The following OTOGL variants were observed in gnomAD, a reference collection of about 807,000 sequenced individuals.
OTOGL encodes the protein otogelin like, also known as otogelin-like protein.
OTOGL carries 285 observed loss-of-function variants against 318.5 expected under a neutral mutation model. The ratio of observed to expected loss-of-function variants is 0.89; its 90% CI spans 0.81 to 0.99. OTOGL has a LOEUF of 0.99. Ranked by LOEUF, OTOGL falls within the 50% of genes least tolerant of loss-of-function variation. OTOGL has a pLI of 0.00. For missense variants in OTOGL, 2,899 were observed against 2,845.6 expected (o/e 1.02, Z -0.43); for synonymous variants, 987 against 936.5 (o/e 1.05, Z -0.99).
At chr12:80,356,203 A>C (rs539665094) in intron 47 of OTOGL, among the ~76,000 whole-genome samples, 9 of 152,278 alleles carry the variant, frequency 5.9e-5, no homozygotes, top group Non-Finnish European at 4.4e-5. Flanking sequence ...TCAAGGGTGA[A>C]AGACAATAAT....
chr12:80,168,836 C>T (rs978502225), intron 1 of OTOGL, among the ~76,000 whole-genome samples: 3 of 152,180 alleles, frequency 2.0e-5, no homozygotes, highest in African/African-American at 7.2e-5. Context: ...ACAGAACCTT[C>T]TCTAAGCAAT....
chr12:80,371,943 A>T, intron 56 of OTOGL, 76 bp from the exon 57 acceptor site: 1 of 913,752 alleles, frequency 1.1e-6, no homozygotes, highest in Non-Finnish European at 1.6e-6. Context: ...TAGAAAAGTT[A>T]GTTTTCTTTT....
intron 44 of OTOGL, among the ~76,000 whole-genome samples, chr12:80,348,700 ACCTATTTCT>A (rs1889355763): frequency 6.6e-6 from 1 of 152,000 alleles, no homozygotes; most frequent in Non-Finnish European, 1.5e-5. Context: ...AATCTGGCCC[ACCTATTTCT>A]CCAGCCACGT....
chr12:80,146,739 T>A (rs1240704803), intron 1 of OTOGL, among the ~76,000 whole-genome samples: 1 of 151,826 alleles, frequency 6.6e-6, no homozygotes, highest in Non-Finnish European at 1.5e-5. Flanking sequence ...TTTCAGCTCC[T>A]GTTATTGGTC....
rs761087709 is a variant in OTOGL at position 80,328,718 on chromosome 12, C to A, written c.4253C>A (p.Thr1418Asn). The A allele has an allele frequency of 1.2e-6, 2 of 1,605,186 alleles. No individual in the cohort carries two copies. ...AAAAATATGATCCTTGATGAGGTCA[C>A]CCTCAAGTGTGTTTATCCACGAGAC... ...CPKNMILDEVTLKCVYPRDCI... is the reference protein window; with the variant it reads ...CPKNMILDEVNLKCVYPRDCI... The change falls in exon 36 of 59, where the codon ACC (threonine) becomes AAC (asparagine). Residue 1418 changes from threonine to asparagine, a missense_variant. Physicochemically the swap from Thr to Asn is moderately conservative, Grantham distance 65 (BLOSUM62 0). This residue lies in a region of OTOGL where 2,607 missense variants were observed against 2,524.9 expected (regional missense o/e 1.03). Coordinates refer to ENST00000547103, the MANE Select transcript of OTOGL (RefSeq NM_001378609.3).
intron 6 of OTOGL, among the ~76,000 whole-genome samples, chr12:80,221,710 G>A (rs191540266): frequency 6.6e-6 from 1 of 152,230 alleles, no homozygotes; most frequent in East Asian, 1.9e-4. Context: ...CTCTGATGCT[G>A]TATATGCTAA....
At chr12:80,253,627 C>G (rs1881770911) in intron 14 of OTOGL, 53 bp downstream of exon 14, 10 of 1,396,228 alleles carry the variant, frequency 7.2e-6, no homozygotes, top group Admixed American at 1.7e-5. Context: ...TAGTTGACAA[C>G]TTTACCATGA....
chr12:80,127,997 A>C (rs1333822306), intron 1 of OTOGL, among the ~76,000 whole-genome samples: 9 of 152,104 alleles, frequency 5.9e-5, no homozygotes, highest in Admixed American at 1.3e-4. Context: ...TTCCTCCTTT[A>C]GCTTGGAGTA....
intron 7 of OTOGL, among the ~76,000 whole-genome samples, chr12:80,226,328 A>C (rs1285719829): frequency 6.6e-6 from 1 of 151,940 alleles, no homozygotes; most frequent in Non-Finnish European, 1.5e-5. Context: ...GCTGATCCCA[A>C]TAGGTTATGA....
intron 46 of OTOGL, among the ~76,000 whole-genome samples, chr12:80,354,384 TC>T (rs1889746710): frequency 1.3e-5 from 2 of 152,174 alleles, no homozygotes; most frequent in Admixed American, 1.3e-4. Context: ...GAACCTCTTT[TC>T]TTTATAAACT....
intron 4 of OTOGL, among the ~76,000 whole-genome samples, chr12:80,217,140 A>G (rs1877806210): frequency 6.7e-6 from 1 of 149,240 alleles, no homozygotes; most frequent in Non-Finnish European, 1.5e-5. Flanking sequence ...AGCCCCATGC[A>G]TTTTTTTTTT....
At chr12:80,306,798 TTATTA>T (rs1405109219) in intron 29 of OTOGL, among the ~76,000 whole-genome samples, 10 of 93,884 alleles carry the variant, frequency 1.1e-4, no homozygotes, top group African/African-American at 4.1e-4. Flanking sequence ...TTTTATTTTA[TTATTA>T]TTATTATTAT....
chr12:80,359,020 T>A, intron 52 of OTOGL, 120 bp downstream of exon 52: 2 of 799,708 alleles, frequency 2.5e-6, no homozygotes, highest in Non-Finnish European at 3.8e-6. Context: ...TAAATTGTAC[T>A]AAAGTAGATT....
intron 29 of OTOGL, among the ~76,000 whole-genome samples, chr12:80,308,987 A>ACCGTG (rs2098559298): frequency 2.7e-5 from 1 of 37,136 alleles, no homozygotes; most frequent in Non-Finnish European, 1.2e-4. Context: ...CCGTGGGGAG[A>ACCGTG]GGGAGAGGGA....
At chr12:80,246,282 T>C (rs1428133246) in intron 11 of OTOGL, among the ~76,000 whole-genome samples, 1 of 148,864 alleles carries the variant, frequency 6.7e-6, no homozygotes, top group African/African-American at 2.6e-5. Flanking sequence ...CCATTCAGAA[T>C]GATATTGGCT....
chr12:80,329,278 T>G (rs1246562145), intron 37 of OTOGL, among the ~76,000 whole-genome samples, 159 bp downstream of exon 37: 2 of 152,220 alleles, frequency 1.3e-5, no homozygotes, highest in East Asian at 3.9e-4. Flanking sequence ...GTCCATTGGC[T>G]CAACATGCCA....
At chr12:80,294,672 C>G (rs1885264019) in intron 26 of OTOGL, among the ~76,000 whole-genome samples, 1 of 152,148 alleles carries the variant, frequency 6.6e-6, no homozygotes, top group African/African-American at 2.4e-5. Context: ...AAAACCTATC[C>G]TCTAGACACT....
intron 24 of OTOGL, among the ~76,000 whole-genome samples, chr12:80,275,027 T>G (rs1460413492): frequency 6.6e-6 from 1 of 151,990 alleles, no homozygotes; most frequent in African/African-American, 2.4e-5. Context: ...ATTAATGTTG[T>G]TTTCATGCTT....
chr12:80,133,411 A>C (rs1871355195), intron 1 of OTOGL: 1 of 152,050 alleles, frequency 6.6e-6, no homozygotes, highest in Non-Finnish European at 1.5e-5. Context: ...CTGCACAGAA[A>C]CTCTGATCAC....
Sources: allele counts gnomAD v4.1 joint callset (sites outside exome capture counted in the v4.1 genomes callset), GRCh38; gene constraint gnomAD v4.1.1; regional missense constraint gnomAD v4.1.1; transcripts MANE v1.5; gene names NCBI Gene and HGNC (gene_info 2026-07-23, HGNC 2026-07-21).